Variants in DSC2 observed in about 807,000 individuals in gnomAD.
DSC2 encodes the protein desmocollin 2.
A neutral mutation model predicts 87.6 loss-of-function variants in DSC2; 51 were observed. The observed-to-expected ratio is 0.58, with a 90% CI of 0.46 to 0.74. DSC2 has a LOEUF of 0.74. Ranked by LOEUF, DSC2 falls within the 30% of genes least tolerant of loss-of-function variation. The pLI, the probability that DSC2 is intolerant of heterozygous loss-of-function variation, is 0.00. For synonymous variants in DSC2, 383 were observed against 393.2 expected, an observed-to-expected ratio of 0.97 and a Z score of 0.31; for missense variants, 1,066 against 1,089.5, an observed-to-expected ratio of 0.98 and a Z score of 0.30.
rs1310482953 is a variant in DSC2 at position 31,089,603 on chromosome 18, T to C, written c.475-9A>G. On this transcript the variant is annotated splice_polypyrimidine_tract_variant and intron_variant, in intron 4 of 15. Transcript: ENST00000280904. ...GCCGTGTCAGATTGAACCTAGAAAGTAGATATTATATACATGAGACAAATC... is the reference window on the plus strand; with the variant it reads ...GCCGTGTCAGATTGAACCTAGAAAGCAGATATTATATACATGAGACAAATC... 3.1e-6 allele frequency: 5 copies of C among 1,611,796 alleles called. No homozygotes were observed. The South Asian group carries it at 5.5e-5, about 18-fold the overall frequency.
Position 31,067,655 on chromosome 18 carries a change from A to C in DSC2, c.*360T>G. On this transcript the variant is annotated 3_prime_UTR_variant, in exon 16 of 16. Transcript: ENST00000280904. The stretch of plus-strand genomic sequence containing the variant: ...ATAATGTTAAAGCAAGGTCTCTACA[A>C]TTTTCCATTAGGTTGTGCTTCAAAT... 1 of 233,786 alleles carries C rather than the reference A, an allele frequency of 4.3e-6. No homozygotes were observed. Among genetic ancestry groups the C allele is most frequent in the Non-Finnish European group, 8.4e-6 (1 of 118,662 alleles). 14.5% of individuals were successfully genotyped at this position (233,786 alleles called of 1,614,324 possible).
At chr18:31,100,810 CA>C (rs1257054692) in intron 1 of DSC2, among the ~76,000 whole-genome samples, 4 of 152,192 alleles carry the variant, frequency 2.6e-5, no homozygotes, top group African/African-American at 9.7e-5. Flanking sequence ...AGACAAGGAG[CA>C]CTTTTCCACA....
At position 31,092,209 on chromosome 18, in the gene DSC2, T is replaced by C; in HGVS notation, c.246A>G (p.Thr82=). ...TCTCCGAGGACAATAGAATAGTATT[T>C]GTTGTATAGACTGAACCATCCTCCA... ...QILEDGSVYT[T]NTILLSSEKR... is the part of the protein sequence containing the mutation. Residue 82 remains threonine, a synonymous_variant, in exon 3 of 16, where the codon ACA becomes ACG. Transcript: ENST00000280904. The C allele has an allele frequency of 1.2e-6, 2 of 1,613,836 alleles. No individual in the cohort carries two copies. The highest frequency in any genetic ancestry group is 1.7e-6 in the Non-Finnish European group (2 of 1,179,814).
At chr18:31,085,215 T>C (rs183254107) in intron 7 of DSC2, among the ~76,000 whole-genome samples, 11 of 152,134 alleles carry the variant, frequency 7.2e-5, no homozygotes, top group African/African-American at 2.4e-5. Flanking sequence ...CAGATTGCCT[T>C]TATATATGCT....
intron 1 of DSC2, among the ~76,000 whole-genome samples, chr18:31,099,335 T>G (rs1321120241): frequency 1.3e-5 from 2 of 152,062 alleles, no homozygotes; most frequent in African/African-American, 2.4e-5. Flanking sequence ...AGAATGGTGG[T>G]TGCCAGGTGA....
At chr18:31,097,884 A>C (rs1987813587) in intron 1 of DSC2, among the ~76,000 whole-genome samples, 1 of 151,234 alleles carries the variant, frequency 6.6e-6, no homozygotes, top group Admixed American at 6.6e-5. Flanking sequence ...TGGCATTTTA[A>C]TGTAATTTTT....
chr18:31,086,672 G>T lies in DSC2; in HGVS notation c.846C>A (p.Tyr282Ter), dbSNP rs397517406. ...ATGGTGGCACCTGCCCAATGATGGA[G>T]TACTTCAGGCGTGTGTGCATCGTGT... ...EPDTMHTRLK[Y>*]SIIGQVPPSP... is the part of the protein sequence containing the mutation. The change falls in exon 7 of 16, where the codon TAC (tyrosine) becomes TAA (stop). Residue 282 changes from tyrosine (Y) to a stop codon, truncating the protein, a stop_gained. Coordinates refer to ENST00000280904, the MANE Select transcript of DSC2 (RefSeq NM_024422.6). LOFTEE classifies it high-confidence loss of function. The T allele has an allele frequency of 6.2e-7, 1 of 1,614,072 alleles. No individual in the cohort carries two copies. Among genetic ancestry groups the T allele is most frequent in the African/African-American group, 1.3e-5 (1 of 74,936 alleles).
intron 1 of DSC2, among the ~76,000 whole-genome samples, chr18:31,100,602 G>T (rs1178826660): frequency 1.3e-5 from 2 of 152,128 alleles, no homozygotes; most frequent in Non-Finnish European, 2.9e-5. Flanking sequence ...AGCTCCTCGA[G>T]AAAGACATTC....
At chr18:31,085,826 A>C (rs1158248318) in intron 7 of DSC2, among the ~76,000 whole-genome samples, 1 of 152,146 alleles carries the variant, frequency 6.6e-6, no homozygotes, top group Non-Finnish European at 1.5e-5. Flanking sequence ...ATAAGAATTT[A>C]GATGAATAAT....
At chr18:31,077,158 C>T (rs1987049371) in intron 11 of DSC2, among the ~76,000 whole-genome samples, 1 of 152,204 alleles carries the variant, frequency 6.6e-6, no homozygotes, top group African/African-American at 2.4e-5. Context: ...CAACTACCTT[C>T]CATTTTTGGA....
intron 7 of DSC2, among the ~76,000 whole-genome samples, chr18:31,085,525 C>T (rs1987368192): frequency 6.6e-6 from 1 of 151,300 alleles, no homozygotes; most frequent in African/African-American, 2.4e-5. Context: ...TAACAAGTAA[C>T]ATAGATAAAT....
intron 4 of DSC2, 86 bp from the exon 5 acceptor site, chr18:31,089,680 T>G (rs1987527882): frequency 7.6e-7 from 1 of 1,320,508 alleles, no homozygotes; most frequent in Non-Finnish European, 1.1e-6. Context: ...CATTGCCATT[T>G]TATTAGTTTA....
intron 6 of DSC2, among the ~76,000 whole-genome samples, chr18:31,086,985 T>C (rs570943065): frequency 1.3e-5 from 2 of 152,314 alleles, no homozygotes; most frequent in East Asian, 3.9e-4. Context: ...TATGATTTTA[T>C]AAATGTTGAT....
rs990665458 is a variant in DSC2, at chr18:31,087,231, G to A, written c.775+438C>T. Among the ~76,000 whole-genome samples, 8 of 152,240 alleles carry A rather than the reference G, an allele frequency of 5.3e-5. No individual in the cohort carries two copies. The East Asian group carries it at 1.4e-3, about 26-fold the overall frequency. ...TATTCTCAGTGACTTTCATAATCGT[G>A]CCCAGAATACTGGCAATCACATTTA... On this transcript the variant is annotated intron_variant, in intron 6 of 15. Coordinates refer to ENST00000280904, the MANE Select transcript of DSC2 (RefSeq NM_024422.6).
Position 31,089,473 on chromosome 18 carries a change from C to T in DSC2, c.596G>A (p.Arg199His), listed in dbSNP as rs374707462. Residue 199 changes from arginine (R) to histidine (H), a missense_variant, in exon 5 of 16, where the codon CGT becomes CAT. Physicochemically the swap from Arg to His is conservative, Grantham distance 29. Transcript: ENST00000280904. ...ERDTGNLYCT[R>H]PVDREQYESF... Reference sequence around the variant, plus strand: ...TTCATACTGCTCACGATCTACAGGACGAGTACAATACAAGTTTCCAGTGTC... The same window carrying T: ...TTCATACTGCTCACGATCTACAGGATGAGTACAATACAAGTTTCCAGTGTC... The T allele has an allele frequency of 4.7e-5, 76 of 1,613,698 alleles. 1 individual carries two copies. The highest frequency in any genetic ancestry group is 1.8e-4 in the East Asian group (8 of 44,834).
intron 11 of DSC2, 61 bp from the exon 12 acceptor site, chr18:31,074,968 C>A (rs1395547164): frequency 1.3e-6 from 2 of 1,485,738 alleles, no homozygotes; most frequent in Non-Finnish European, 1.8e-6. Context: ...CAAAAGTATG[C>A]ACTGAACACA....
Position 31,066,856 on chromosome 18 carries a change from A to G in DSC2, c.*1159T>C, listed in dbSNP as rs1269176886. ...ACCCCAGGGAGCCTTCAAGATCCCT[A>G]TATTTTAAAGCTTATTTCAAAAACC... On this transcript the variant is annotated 3_prime_UTR_variant, in exon 16 of 16. Transcript: ENST00000280904. 2 of 152,132 alleles carry G rather than the reference A, an allele frequency of 1.3e-5. No individual in the cohort carries two copies. The highest frequency in any genetic ancestry group is 2.9e-5 in the Non-Finnish European group (2 of 67,980). 9.4% of individuals were successfully genotyped at this position (152,132 alleles called of 1,614,324 possible).
At chr18:31,074,981 GA>G in intron 11 of DSC2, 74 bp from the exon 12 acceptor site, 12 of 1,436,120 alleles carry the variant, frequency 8.4e-6, no homozygotes, top group Non-Finnish European at 1.2e-5. Flanking sequence ...TGAACACATT[GA>G]AAAATATTTA....
intron 11 of DSC2, among the ~76,000 whole-genome samples, chr18:31,076,918 T>C (rs941290704): frequency 2.0e-5 from 3 of 151,996 alleles, no homozygotes; most frequent in Admixed American, 6.6e-5. Flanking sequence ...CAGAAGATAA[T>C]GGGTTAATAG....
Sources: gnomAD v4.1 joint callset for allele counts (sites outside exome capture counted in the v4.1 genomes callset) on GRCh38, gnomAD v4.1.1 for gene constraint, MANE v1.5 for transcripts, NCBI Gene and HGNC (gene_info 2026-07-23, HGNC 2026-07-21) for gene names.